Variants in PRTG observed in about 807,000 individuals in gnomAD.
PRTG encodes the protein immunoglobulin superfamily, DCC subclass, member 5.
Under a neutral mutation model 122.5 loss-of-function variants are expected in PRTG, and 67 were observed. The ratio of observed to expected loss-of-function variants is 0.55; its 90% confidence interval spans 0.45 to 0.67. The LOEUF is 0.67. Among genes scored for constraint, PRTG ranks in the 30% least tolerant of loss-of-function variants. The pLI, the probability that PRTG is intolerant of heterozygous loss-of-function variation, is 0.00. For missense variants in PRTG, 1,435 were observed against 1,415.4 expected, an observed-to-expected ratio of 1.01 and a Z score of -0.22; for synonymous variants, 554 against 501.1, an observed-to-expected ratio of 1.11 and a Z score of -1.41.
At chr15:55,641,265 T>C (rs2059288957) in intron 11 of PRTG, 57 bp from the exon 12 acceptor site, 1 of 1,283,716 alleles carries the variant, frequency 7.8e-7, no homozygotes, top group Non-Finnish European at 1.1e-6. Context: ...TGAGCAAAGG[T>C]TCTGAATGAA....
chr15:55,666,200 C>T (rs911986964), intron 11 of PRTG, among the ~76,000 whole-genome samples: 2 of 152,234 alleles, frequency 1.3e-5, no homozygotes, highest in Non-Finnish European at 2.9e-5. Flanking sequence ...TCCCGGCTCA[C>T]AGGTGACTGG....
At chr15:55,715,497 T>C (rs2414428) in intron 2 of PRTG, among the ~76,000 whole-genome samples, 11,369 of 152,240 alleles carry the variant, frequency 0.075, 467 homozygotes, top group Non-Finnish European at 0.1. Context: ...CTTGAGAGTA[T>C]GTGAAGCATT....
intron 2 of PRTG, among the ~76,000 whole-genome samples, chr15:55,723,250 T>G (rs2030896901): frequency 1.3e-5 from 2 of 151,998 alleles, no homozygotes; most frequent in Admixed American, 1.3e-4. Context: ...AGGGAAAATG[T>G]AAATGGAAAA....
intron 11 of PRTG, among the ~76,000 whole-genome samples, chr15:55,672,030 G>A (rs2059474845): frequency 6.6e-6 from 1 of 152,142 alleles, no homozygotes; most frequent in African/African-American, 2.4e-5. Flanking sequence ...TACCTAATTT[G>A]TAATTATATA....
chr15:55,675,339 A>G (rs538386877), intron 9 of PRTG, among the ~76,000 whole-genome samples, 180 bp downstream of exon 9: 5 of 152,288 alleles, frequency 3.3e-5, no homozygotes, highest in African/African-American at 1.2e-4. Flanking sequence ...TTATATTCTG[A>G]AAGTGCTCTT....
At chr15:55,651,224 A>G (rs989807045) in intron 11 of PRTG, among the ~76,000 whole-genome samples, 4 of 150,720 alleles carry the variant, frequency 2.7e-5, no homozygotes, top group Non-Finnish European at 5.9e-5. Context: ...CCCCGCCCCC[A>G]CAACTTCTTG....
intron 11 of PRTG, among the ~76,000 whole-genome samples, chr15:55,645,271 T>C (rs369268072): frequency 6.7e-6 from 1 of 148,486 alleles, no homozygotes; most frequent in Non-Finnish European, 1.5e-5. Context: ...CCGTCTCTAC[T>C]AAAAATACAA....
At chr15:55,634,367 T>A (rs2059244798) in intron 15 of PRTG, among the ~76,000 whole-genome samples, 1 of 152,066 alleles carries the variant, frequency 6.6e-6, no homozygotes, top group Admixed American at 6.6e-5. Flanking sequence ...TGCACCTGGC[T>A]CTATACTGCT....
chr15:55,675,063 A>C (rs989457788), intron 9 of PRTG, among the ~76,000 whole-genome samples: 6 of 152,128 alleles, frequency 3.9e-5, no homozygotes, highest in Non-Finnish European at 8.8e-5. Context: ...TTCCCCCTTA[A>C]GTAGTATAAG....
intron 2 of PRTG, among the ~76,000 whole-genome samples, chr15:55,725,205 G>A (rs1422745318): frequency 6.6e-6 from 1 of 152,106 alleles, no homozygotes; most frequent in African/African-American, 2.4e-5. Context: ...GCATACTACT[G>A]CAAATTCAAA....
intron 11 of PRTG, among the ~76,000 whole-genome samples, chr15:55,642,620 T>C (rs1160563224): frequency 7.5e-6 from 1 of 133,922 alleles, no homozygotes; most frequent in African/African-American, 2.8e-5. Flanking sequence ...AAAAAAAGGA[T>C]ACAACTCAAA....
chr15:55,622,641 T>C (rs1448974808), intron 18 of PRTG, among the ~76,000 whole-genome samples: 2 of 152,048 alleles, frequency 1.3e-5, no homozygotes, highest in Non-Finnish European at 2.9e-5. Flanking sequence ...TCCGCCCGCC[T>C]TGGTCTCCCA....
rs181871048 is a variant in PRTG at position 55,679,248 on chromosome 15, T to A, written c.1133+38A>T. 4 of 1,387,636 alleles carry A rather than the reference T, an allele frequency of 2.9e-6. No homozygotes were observed. In the East Asian group the frequency reaches 9.3e-5, roughly 32 times the overall value. 86.0% of individuals were successfully genotyped at this position (1,387,636 alleles called of 1,614,324 possible). The stretch of plus-strand genomic sequence containing the variant: ...CACATAAAAATTACTAAAGCCATTA[T>A]ATCATATATAAAATGGTAGCAAAGT... On this transcript the variant is annotated intron_variant, in intron 7 of 19. Transcript: ENST00000389286.
intron 2 of PRTG, among the ~76,000 whole-genome samples, chr15:55,732,148 T>C (rs138226696): frequency 6.6e-6 from 1 of 152,318 alleles, no homozygotes; most frequent in Non-Finnish European, 1.5e-5. Context: ...ATGTGGTCCA[T>C]TGTTTGACTG....
At chr15:55,643,751 T>C (rs772021085) in intron 11 of PRTG, among the ~76,000 whole-genome samples, 2 of 151,980 alleles carry the variant, frequency 1.3e-5, no homozygotes, top group African/African-American at 4.8e-5. Flanking sequence ...GAATGTCCAA[T>C]ATACATGAAG....
At position 55,714,816 on chromosome 15, in the gene PRTG, CTAAAAT is replaced by C. The variant is rs141781700; in HGVS notation, c.397+25560_397+25565del. Among the ~76,000 whole-genome samples, 6 of 152,190 alleles carry C rather than the reference CTAAAAT, an allele frequency of 3.9e-5. No individual in the cohort carries two copies. In the East Asian group the frequency reaches 1.2e-3, roughly 29 times the overall value. On this transcript the variant is annotated intron_variant, in intron 2 of 19. Transcript: ENST00000389286. Reference sequence around the variant, plus strand: ...CTTAAATAAACATAGCTTGATGTTGCTAAAATTAAAATTTGAGAACAATCCTTAAAA... The same window carrying C: ...CTTAAATAAACATAGCTTGATGTTGCTAAAATTTGAGAACAATCCTTAAAA...
intron 16 of PRTG, among the ~76,000 whole-genome samples, chr15:55,627,530 C>T (rs1235084182): frequency 1.5e-5 from 2 of 137,914 alleles, no homozygotes; most frequent in African/African-American, 2.7e-5. Context: ...TTAGTAGAGT[C>T]GGGGTTTCAC....
At chr15:55,729,465 C>T (rs149842162) in intron 2 of PRTG, among the ~76,000 whole-genome samples, 1 of 152,174 alleles carries the variant, frequency 6.6e-6, no homozygotes, top group African/African-American at 2.4e-5. Context: ...ACCCACTGAA[C>T]TCTATACTTT....
chr15:55,695,534 T>C (rs568033097), intron 2 of PRTG, among the ~76,000 whole-genome samples: 2 of 152,216 alleles, frequency 1.3e-5, no homozygotes, highest in Admixed American at 6.5e-5. Context: ...CCTCATCGAC[T>C]GCACCAGTCA....
Sources: gnomAD v4.1 joint callset for allele counts (sites outside exome capture counted in the v4.1 genomes callset) on GRCh38, gnomAD v4.1.1 for gene constraint, MANE v1.5 for transcripts, NCBI Gene and HGNC (gene_info 2026-07-23, HGNC 2026-07-21) for gene names.